The following CEP112 variants were observed in gnomAD, a reference collection of about 807,000 sequenced individuals.
CEP112 encodes the protein centrosomal protein 112, also known as centrosomal protein of 112 kDa.
CEP112 carries 127 observed loss-of-function variants against 153.0 expected under a neutral mutation model. The ratio of observed to expected loss-of-function variants is 0.83; its 90% CI spans 0.72 to 0.96. The LOEUF is 0.96. Ranked by LOEUF, CEP112 falls within the 40% of genes least tolerant of loss-of-function variation. The pLI is 0.00. For missense variants in CEP112, 1,089 were observed against 1,101.2 expected, an observed-to-expected ratio of 0.99 and a Z score of 0.16; for synonymous variants, 358 against 374.4, an observed-to-expected ratio of 0.96 and a Z score of 0.51.
At chr17:65,720,542 C>A (rs1299775044) in intron 23 of CEP112, among the ~76,000 whole-genome samples, 2 of 152,098 alleles carry the variant, frequency 1.3e-5, no homozygotes, top group African/African-American at 4.8e-5. Context: ...AAGACAGAGG[C>A]AGCAAGGATG....
At chr17:66,052,116 G>A (rs2066466925) in intron 12 of CEP112, among the ~76,000 whole-genome samples, 1 of 152,114 alleles carries the variant, frequency 6.6e-6, no homozygotes, top group East Asian at 1.9e-4. Flanking sequence ...CAGATGGATG[G>A]TCCCCAGCTT....
intron 24 of CEP112, among the ~76,000 whole-genome samples, chr17:65,671,221 A>G (rs2144055265): frequency 6.6e-6 from 1 of 152,294 alleles, no homozygotes; most frequent in East Asian, 1.9e-4. Context: ...AGGTCATACC[A>G]CAGGGTGACA....
Position 65,755,680 on chromosome 17 carries a change from G to A in CEP112, c.2395-4956C>T, listed in dbSNP as rs562588872. 6.5e-4 allele frequency among the ~76,000 whole-genome samples: 99 copies of A among 151,970 alleles called. 1 individual carries two copies. The highest frequency in any genetic ancestry group is 2.3e-3 in the African/African-American group (97 of 41,414). The stretch of plus-strand genomic sequence containing the variant: ...GAAAGTAGAACCAACTGGACATACC[G>A]TATAATGGAAAGAGATGAGTCAAGG... On this transcript the variant is annotated intron_variant, in intron 21 of 26. Coordinates refer to ENST00000535342, the MANE Select transcript of CEP112 (RefSeq NM_001199165.4).
intron 11 of CEP112, among the ~76,000 whole-genome samples, chr17:66,059,884 A>G (rs1231891113): frequency 6.6e-6 from 1 of 152,202 alleles, no homozygotes; most frequent in Non-Finnish European, 1.5e-5. Flanking sequence ...CAGCAAAGAC[A>G]TGGAATCAAC....
At chr17:65,968,808 G>A (rs2062510584) in intron 17 of CEP112, among the ~76,000 whole-genome samples, 1 of 152,092 alleles carries the variant, frequency 6.6e-6, no homozygotes, top group African/African-American at 2.4e-5. Context: ...GTCCAAAATA[G>A]TTTCGCTACA....
chr17:65,965,259 ACCTTGCACAATAAGGCACATTG>A (rs1346419560), intron 17 of CEP112, among the ~76,000 whole-genome samples: 2 of 152,152 alleles, frequency 1.3e-5, no homozygotes, highest in Non-Finnish European at 2.9e-5. Context: ...AAATATGAAA[ACCTTGCACAATAAGGCACATTG>A]TTTTCAATTG....
chr17:66,024,357 T>C (rs566116574), intron 16 of CEP112, among the ~76,000 whole-genome samples: 3 of 152,008 alleles, frequency 2.0e-5, no homozygotes, highest in Admixed American at 6.5e-5. Context: ...GCCATCCAAA[T>C]AGAAAAAGAG....
At position 66,084,206 on chromosome 17, in the gene CEP112, G is replaced by C. The variant is rs546226467; in HGVS notation, c.768+12045C>G. On this transcript the variant is annotated intron_variant, in intron 8 of 26. Transcript: ENST00000535342. ...AAAAAAGAGAACCCTTGTACACTGG[G>C]TTGGTGGGAATGTAAATTAATACAA... Among the ~76,000 whole-genome samples the C allele has an allele frequency of 3.9e-5, 6 of 152,266 alleles. No individual in the cohort carries two copies. The East Asian group carries it at 1.2e-3, about 29-fold the overall frequency.
intron 23 of CEP112, among the ~76,000 whole-genome samples, chr17:65,708,993 C>T (rs2049045213): frequency 6.6e-6 from 1 of 152,148 alleles, no homozygotes. Context: ...GGGAGTATCC[C>T]TCAACGTCTG....
chr17:65,967,423 G>T (rs1178741143), intron 17 of CEP112, among the ~76,000 whole-genome samples: 2 of 152,156 alleles, frequency 1.3e-5, no homozygotes, highest in African/African-American at 4.8e-5. Context: ...GCAGAAACAA[G>T]GGTGCTGGCA....
chr17:66,014,812 T>C (rs931406237), intron 16 of CEP112, among the ~76,000 whole-genome samples: 5 of 152,224 alleles, frequency 3.3e-5, no homozygotes, highest in African/African-American at 9.6e-5. Flanking sequence ...TCTCAGTAAC[T>C]TTCCTCTGAA....
intron 20 of CEP112, among the ~76,000 whole-genome samples, chr17:65,884,908 G>A (rs1196759737): frequency 1.6e-4 from 24 of 151,806 alleles, no homozygotes; most frequent in Non-Finnish European, 3.4e-4. Flanking sequence ...TAGAGACAGG[G>A]TTTCTCCATG....
intron 8 of CEP112, among the ~76,000 whole-genome samples, chr17:66,078,177 TGTAA>T (rs764311003): frequency 1.6e-4 from 24 of 152,266 alleles, no homozygotes; most frequent in Non-Finnish European, 3.2e-4. Context: ...ATCAGTGGGC[TGTAA>T]GTATTTGGGT....
At chr17:66,044,354 T>C (rs1348998459) in intron 12 of CEP112, among the ~76,000 whole-genome samples, 1 of 152,000 alleles carries the variant, frequency 6.6e-6, no homozygotes, top group Non-Finnish European at 1.5e-5. Flanking sequence ...ATAATGAAAA[T>C]GTATTTTAGA....
rs931796058 is a variant in CEP112, at chr17:65,908,371, T to C, written c.1981-6037A>G. On this transcript the variant is annotated intron_variant, in intron 19 of 26. Transcript: ENST00000535342. ...GTCTAGAAAATACTGGGTTGACTCA[T>C]AGGAAATTGTCATTTTTGAGGTCAA... 3.3e-5 allele frequency among the ~76,000 whole-genome samples: 5 copies of C among 151,966 alleles called. No homozygotes were observed. The East Asian group carries it at 9.7e-4, about 29-fold the overall frequency.
chr17:65,962,053 T>C (rs949938506), intron 17 of CEP112, among the ~76,000 whole-genome samples: 5 of 152,142 alleles, frequency 3.3e-5, no homozygotes, highest in African/African-American at 1.2e-4. Flanking sequence ...ATTTCCAGAA[T>C]AGGTAAATCC....
chr17:66,069,695 TA>T (rs1389698807), intron 9 of CEP112, among the ~76,000 whole-genome samples: 1 of 152,134 alleles, frequency 6.6e-6, no homozygotes, highest in Non-Finnish European at 1.5e-5. Flanking sequence ...AATGTAAATA[TA>T]AGGTTTTAAA....
chr17:65,660,460 C>CTCCT (rs143750694), intron 24 of CEP112, among the ~76,000 whole-genome samples: 1,931 of 78,284 alleles, frequency 0.025, 28 homozygotes, highest in South Asian at 0.041. Context: ...TCTTCTCTCT[C>CTCCT]TCCTTCCTTC....
rs187479420 is a variant in CEP112 at position 65,964,421 on chromosome 17, T to G, written c.1737-2823A>C. On this transcript the variant is annotated intron_variant, in intron 17 of 26. Coordinates refer to ENST00000535342, the MANE Select transcript of CEP112 (RefSeq NM_001199165.4). ...TGGTGCATTTTCACTCTTTCTATAT[T>G]ATTCTGTTCAAGAACAGGAGGCTTT... Among the ~76,000 whole-genome samples the G allele has an allele frequency of 7.0e-4, 107 of 152,366 alleles. 1 individual carries two copies. Among genetic ancestry groups the G allele is most frequent in the Admixed American group, 1.1e-3 (17 of 15,304 alleles).
Sources: gnomAD v4.1 joint callset for allele counts (sites outside exome capture counted in the v4.1 genomes callset) on GRCh38, gnomAD v4.1.1 for gene constraint, MANE v1.5 for transcripts, NCBI Gene and HGNC (gene_info 2026-07-23, HGNC 2026-07-21) for gene names.